The following WNK3 variants were observed in gnomAD, a reference collection of about 807,000 sequenced individuals.
WNK3 encodes serine/threonine-protein kinase WNK3.
WNK3 carries 18 observed loss-of-function variants against 116.7 expected under a neutral mutation model. The ratio of observed to expected loss-of-function variants is 0.15; its 90% CI spans 0.11 to 0.23. The LOEUF (loss-of-function observed/expected upper bound fraction) is 0.23, where lower values mean the gene tolerates loss of function less well. WNK3 is among the 10% of genes least tolerant of loss of function. The pLI, the probability that WNK3 is intolerant of heterozygous loss-of-function variation, is 1.00. For synonymous variants in WNK3, 404 were observed against 469.4 expected (o/e 0.86, Z 1.80); for missense variants, 993 against 1,323.8 (o/e 0.75, Z 3.88).
At chrX:54,198,474 T>G in exon 24 of WNK3, 3 of 1,210,435 alleles carry the variant, frequency 2.5e-6, no homozygotes, top group Middle Eastern at 2.3e-4. Flanking sequence ...CCCACTGTAC[T>G]GGATACCCCG....
intron 23 of WNK3, among the ~76,000 whole-genome samples, chrX:54,199,857 T>A (rs1234523670): frequency 1.8e-5 from 2 of 111,244 alleles, no homozygotes; most frequent in South Asian, 3.8e-4. Flanking sequence ...ACAAACAAAC[T>A]AACAAAAAAT....
At chrX:54,306,520 T>C (rs781984479) in intron 5 of WNK3, among the ~76,000 whole-genome samples, 1 of 111,636 alleles carries the variant, frequency 9.0e-6, no homozygotes, top group African/African-American at 3.3e-5. Flanking sequence ...AGACATTATG[T>C]TAAGTGAAAT....
intron 17 of WNK3, among the ~76,000 whole-genome samples, chrX:54,245,800 T>C (rs1049783392): frequency 1.2e-4 from 13 of 111,770 alleles, no homozygotes; most frequent in Admixed American, 1.9e-4. Context: ...TTTGTTCATA[T>C]GTGCAAATAC....
intron 1 of WNK3, among the ~76,000 whole-genome samples, chrX:54,356,478 G>A (rs1557179404): frequency 2.7e-5 from 3 of 110,975 alleles, no homozygotes; most frequent in African/African-American, 9.8e-5. Flanking sequence ...GCCCGGCTAA[G>A]CTTTAGTGCA....
intron 2 of WNK3, among the ~76,000 whole-genome samples, chrX:54,329,244 C>A (rs1287373828): frequency 8.9e-6 from 1 of 111,853 alleles, no homozygotes; most frequent in African/African-American, 3.2e-5. Flanking sequence ...GCAGTTCTGA[C>A]AAGCTCCCAG....
chrX:54,246,492 C>T (rs1037572086), intron 17 of WNK3, among the ~76,000 whole-genome samples: 5 of 110,300 alleles, frequency 4.5e-5, no homozygotes, highest in Non-Finnish European at 9.5e-5. Context: ...TGGAAATAAG[C>T]AAGACAATGA....
chrX:54,250,550 A>G (rs931442780), intron 15 of WNK3, among the ~76,000 whole-genome samples: 4 of 112,131 alleles, frequency 3.6e-5, no homozygotes, highest in African/African-American at 1.3e-4. Context: ...TTTAAAATAA[A>G]GTAAAATAAA....
intron 10 of WNK3, among the ~76,000 whole-genome samples, chrX:54,272,061 A>T (rs1473837023): frequency 8.9e-6 from 1 of 112,513 alleles, no homozygotes; most frequent in Non-Finnish European, 1.9e-5. Flanking sequence ...CTTCAATTAG[A>T]ATAAAGCAAT....
chrX:54,248,926 A>G, exon 17 of WNK3: 1 of 1,211,156 alleles, frequency 8.3e-7, no homozygotes. Context: ...TGGAGAGTCT[A>G]TGCTTTGGGT....
chrX:54,208,802 A>G (rs138690304), intron 22 of WNK3, among the ~76,000 whole-genome samples: 2 of 112,369 alleles, frequency 1.8e-5, no homozygotes, highest in African/African-American at 6.5e-5. Flanking sequence ...AGTGAAAGAT[A>G]CACATTACGG....
chrX:54,263,848 A>G (rs1349122478), intron 10 of WNK3, among the ~76,000 whole-genome samples: 2 of 110,636 alleles, frequency 1.8e-5, no homozygotes, highest in African/African-American at 6.6e-5. Flanking sequence ...ATCTATAAAG[A>G]CGTTGTCTTG....
At chrX:54,266,575 T>C (rs892817064) in intron 10 of WNK3, among the ~76,000 whole-genome samples, 6 of 110,499 alleles carry the variant, frequency 5.4e-5, no homozygotes, top group Non-Finnish European at 1.9e-5. Context: ...TCTTGCTCTG[T>C]CAGCCAGGCT....
At chrX:54,329,272 G>A (rs1313643881) in intron 2 of WNK3, among the ~76,000 whole-genome samples, 1 of 111,676 alleles carries the variant, frequency 9.0e-6, no homozygotes, top group Admixed American at 9.6e-5. Context: ...CCATGCTGCT[G>A]GTCCAGGGAC....
chrX:54,219,477 C>G lies in WNK3; in HGVS notation c.4870+9237G>C, dbSNP rs1038708156. 3.7e-5 allele frequency among the ~76,000 whole-genome samples: 4 copies of G among 108,751 alleles called. No homozygotes were observed. The South Asian group carries it at 1.6e-3, about 44-fold the overall frequency. The allele number at this position is 108,751 out of a possible 115,157, so 94.4% of individuals were successfully genotyped here. ...GGCAGATCACTTGAGGTCAGGAGTT[C>G]GAGACCAACCTGGCCAACATGGTGG... On this transcript the variant is annotated intron_variant, in intron 22 of 23. Coordinates refer to ENST00000354646, the Ensembl canonical transcript of WNK3.
Position 54,248,846 on chromosome X carries a change from T to A in WNK3, c.3502A>T (p.Ile1168Phe), listed in dbSNP as rs891306470. 3 of 1,209,959 alleles carry A rather than the reference T, an allele frequency of 2.5e-6. No homozygotes were observed. In the African/African-American group the frequency reaches 5.2e-5, roughly 21 times the overall value. ...GGGGATTGTACAGGGCTATCTTTAA[T>A]TCCACAGTGACTGATGGCTATGACT... Residue 1168 changes from isoleucine to phenylalanine, a missense_variant, in exon 17 of 24, where the codon ATT becomes TTT. Coordinates refer to ENST00000354646, the Ensembl canonical transcript of WNK3.
intron 22 of WNK3, among the ~76,000 whole-genome samples, chrX:54,212,032 C>T (rs2067621649): frequency 9.0e-6 from 1 of 111,288 alleles, no homozygotes; most frequent in African/African-American, 3.3e-5. Flanking sequence ...GGAGACCATC[C>T]TGGCTAACAC....
At chrX:54,203,325 A>G (rs1361406277) in intron 22 of WNK3, among the ~76,000 whole-genome samples, 3 of 112,168 alleles carry the variant, frequency 2.7e-5, no homozygotes, top group Non-Finnish European at 5.6e-5. Flanking sequence ...TAGAGTTCCA[A>G]TTCCTCTGAC....
intron 1 of WNK3, among the ~76,000 whole-genome samples, chrX:54,335,893 C>T (rs1433390384): frequency 8.9e-6 from 1 of 111,801 alleles, no homozygotes; most frequent in Non-Finnish European, 1.9e-5. Context: ...TACAAAGGTA[C>T]AGTATTAAGA....
chrX:54,271,737 C>T (rs2068386134), intron 10 of WNK3, among the ~76,000 whole-genome samples: 1 of 112,018 alleles, frequency 8.9e-6, no homozygotes, highest in Non-Finnish European at 1.9e-5. Context: ...CGCAAATAAT[C>T]AGTCTTTTAG....
Sources: gnomAD v4.1 joint callset for allele counts (sites outside exome capture counted in the v4.1 genomes callset) on GRCh38, gnomAD v4.1.1 for gene constraint, MANE v1.5 for transcripts, NCBI Gene and HGNC (gene_info 2026-07-23, HGNC 2026-07-21) for gene names.